The following DLGAP2 variants were observed in gnomAD, a reference collection of about 807,000 sequenced individuals.
DLGAP2 encodes disks large-associated protein 2.
A neutral mutation model predicts 100.3 loss-of-function variants in DLGAP2; 26 were observed. The ratio of observed to expected loss-of-function variants is 0.26; its 90% CI spans 0.19 to 0.36. The LOEUF (loss-of-function observed/expected upper bound fraction) is 0.36. DLGAP2 is among the 10% of genes least tolerant of loss of function. DLGAP2 has a pLI of 1.00. For missense variants in DLGAP2, 1,858 were observed against 1,453.2 expected, an observed-to-expected ratio of 1.28 and a Z score of -4.53; for synonymous variants, 886 against 630.1, an observed-to-expected ratio of 1.41 and a Z score of -6.08.
chr8:956,615 T>G (rs1002636905), intron 2 of DLGAP2, among the ~76,000 whole-genome samples: 2 of 152,176 alleles, frequency 1.3e-5, no homozygotes, highest in African/African-American at 4.8e-5. Context: ...ACCTGATATT[T>G]TAGACTGCTG....
chr8:1,380,959 A>AG (rs71868742), intron 3 of DLGAP2: 2 of 147,424 alleles, frequency 1.4e-5, no homozygotes, highest in African/African-American at 5.0e-5. Flanking sequence ...AAAAAAAAAA[A>AG]ACACCCAAAA....
chr8:808,191 G>A (rs941476623), intron 1 of DLGAP2, among the ~76,000 whole-genome samples: 7 of 152,166 alleles, frequency 4.6e-5, no homozygotes, highest in Admixed American at 4.6e-4. Context: ...TCTGATTTCA[G>A]CATCACACAG....
chr8:1,467,206 T>C (rs1798651691), intron 3 of DLGAP2, among the ~76,000 whole-genome samples: 1 of 141,612 alleles, frequency 7.1e-6, no homozygotes, highest in Non-Finnish European at 1.5e-5. Context: ...CTCATCGTCA[T>C]GCATGGCTTC....
At chr8:1,311,047 GAAAAA>G (rs60087507) in intron 3 of DLGAP2, among the ~76,000 whole-genome samples, 1 of 143,212 alleles carries the variant, frequency 7.0e-6, no homozygotes, top group Non-Finnish European at 1.5e-5. Context: ...CACTGACAAA[GAAAAA>G]AAAAAGAGAA....
At chr8:895,458 G>C (rs1798126696) in intron 1 of DLGAP2, among the ~76,000 whole-genome samples, 1 of 152,158 alleles carries the variant, frequency 6.6e-6, no homozygotes, top group Non-Finnish European at 1.5e-5. Context: ...TCTGGACGCT[G>C]CCCGTCCCCC....
At chr8:1,664,527 G>T (rs1332454784) in intron 8 of DLGAP2, among the ~76,000 whole-genome samples, 4 of 152,158 alleles carry the variant, frequency 2.6e-5, no homozygotes, top group Non-Finnish European at 5.9e-5. Flanking sequence ...CCTGAAATCA[G>T]CGAATCTTAC....
chr8:1,532,214 C>T (rs1013602295), intron 4 of DLGAP2, among the ~76,000 whole-genome samples: 4 of 152,138 alleles, frequency 2.6e-5, no homozygotes, highest in Non-Finnish European at 5.9e-5. Flanking sequence ...GATATTGGGG[C>T]CCAAAGGTTT....
At chr8:849,327 G>T (rs921433864) in intron 1 of DLGAP2, among the ~76,000 whole-genome samples, 3 of 152,222 alleles carry the variant, frequency 2.0e-5, no homozygotes, top group Admixed American at 1.3e-4. Context: ...GGAACGAGCC[G>T]GTGTTTCTAT....
intron 1 of DLGAP2, among the ~76,000 whole-genome samples, chr8:769,224 G>A (rs937802282): frequency 6.6e-6 from 1 of 152,144 alleles, no homozygotes; most frequent in African/African-American, 2.4e-5. Context: ...TGAAAGTTAA[G>A]AGACTAAGAC....
chr8:1,041,557 C>T (rs1330985580), intron 2 of DLGAP2, among the ~76,000 whole-genome samples: 2 of 149,882 alleles, frequency 1.3e-5, no homozygotes, highest in African/African-American at 4.9e-5. Context: ...CTCCGAACCC[C>T]TTGCCGTGGG....
At chr8:1,159,287 G>C (rs939081570) in intron 2 of DLGAP2, among the ~76,000 whole-genome samples, 2 of 152,150 alleles carry the variant, frequency 1.3e-5, no homozygotes, top group Admixed American at 6.5e-5. Context: ...GTCTCCTGTT[G>C]TTTAATCCTT....
chr8:875,196 T>A (rs1797667301), intron 1 of DLGAP2, among the ~76,000 whole-genome samples: 1 of 152,216 alleles, frequency 6.6e-6, no homozygotes, highest in South Asian at 2.1e-4. Flanking sequence ...AAAAATTAAG[T>A]CTGACAACAT....
chr8:1,324,845 G>A lies in DLGAP2; in HGVS notation c.106+65962G>A, dbSNP rs561752804. ...TCATCTTGGCAGTCCCGTGAAATAC[G>A]GAGCTGATTTGTTTTCTTGCTGCAG... On this transcript the variant is annotated intron_variant, in intron 3 of 14. Transcript: ENST00000637795. Among the ~76,000 whole-genome samples the A allele has an allele frequency of 6.6e-5, 10 of 152,282 alleles. No individual in the cohort carries two copies. The East Asian group carries it at 1.2e-3, about 18-fold the overall frequency.
chr8:939,025 G>A (rs1345613459), intron 2 of DLGAP2, among the ~76,000 whole-genome samples: 1 of 152,268 alleles, frequency 6.6e-6, no homozygotes, highest in Non-Finnish European at 1.5e-5. Context: ...GCCACCGGCA[G>A]GGCTGCAGAA....
chr8:738,511 C>G (rs571970069), intron 1 of DLGAP2: 1 of 152,378 alleles, frequency 6.6e-6, no homozygotes, highest in Admixed American at 6.5e-5. Context: ...AGGCGCTACC[C>G]AGCGCAGGGT....
intron 2 of DLGAP2, among the ~76,000 whole-genome samples, chr8:1,116,026 C>T (rs1271462102): frequency 6.6e-6 from 1 of 152,226 alleles, no homozygotes; most frequent in Non-Finnish European, 1.5e-5. Context: ...TTCACTCCGT[C>T]AGACGTGGCC....
chr8:1,445,123 A>G (rs1243461988), intron 3 of DLGAP2, among the ~76,000 whole-genome samples: 1 of 149,660 alleles, frequency 6.7e-6, no homozygotes, highest in East Asian at 2.0e-4. Flanking sequence ...GTTTTAGGGT[A>G]CATGTGTACA....
At chr8:1,431,321 A>G (rs975781146) in intron 3 of DLGAP2, among the ~76,000 whole-genome samples, 5 of 152,188 alleles carry the variant, frequency 3.3e-5, no homozygotes, top group African/African-American at 7.2e-5. Context: ...TTTAATGTTT[A>G]GTAATAGAGT....
intron 3 of DLGAP2, among the ~76,000 whole-genome samples, chr8:1,362,271 G>A (rs560023604): frequency 6.6e-6 from 1 of 152,050 alleles, no homozygotes; most frequent in Non-Finnish European, 1.5e-5. Flanking sequence ...TCAGGGCCAG[G>A]CAGGTAAACG....
Sources: gnomAD v4.1 joint callset for allele counts (sites outside exome capture counted in the v4.1 genomes callset) on GRCh38, gnomAD v4.1.1 for gene constraint, MANE v1.5 for transcripts, NCBI Gene and HGNC (gene_info 2026-07-23, HGNC 2026-07-21) for gene names.